Variants in SFT2D1 observed in about 807,000 individuals in gnomAD.
SFT2D1 encodes vesicle transport protein SFT2A.
Under a neutral mutation model 28.1 loss-of-function variants are expected in SFT2D1, and 24 were observed. The observed-to-expected ratio is 0.85, with a 90% confidence interval of 0.62 to 1.20. The LOEUF is 1.20. Among genes scored for constraint, SFT2D1 ranks in the 50% most tolerant of loss-of-function variants. SFT2D1 has a pLI of 0.00. For missense variants in SFT2D1, 181 were observed against 190.9 expected, an observed-to-expected ratio of 0.95 and a Z score of 0.31; for synonymous variants, 82 against 73.7, an observed-to-expected ratio of 1.11 and a Z score of -0.58.
At chr6:166,325,132 A>T (rs769267446) in intron 5 of SFT2D1, among the ~76,000 whole-genome samples, 2 of 152,170 alleles carry the variant, frequency 1.3e-5, no homozygotes, top group Non-Finnish European at 2.9e-5. Context: ...TCTTCAATCT[A>T]CTGTTTATAA....
At chr6:166,328,443 G>T in intron 3 of SFT2D1, 86 bp from the exon 4 acceptor site, 1 of 748,794 alleles carries the variant, frequency 1.3e-6, no homozygotes, top group South Asian at 2.9e-5. Context: ...TAAAAAAGAA[G>T]CCCTGTTGCT....
intron 2 of SFT2D1, 144 bp downstream of exon 2, chr6:166,330,017 A>T: frequency 1.8e-6 from 1 of 559,234 alleles, no homozygotes; most frequent in Non-Finnish European, 3.0e-6. Flanking sequence ...ATTGATCTCT[A>T]CCCCTTTATT....
chr6:166,328,171 AT>A (rs1232183831), intron 4 of SFT2D1, 104 bp downstream of exon 4: 294 of 488,400 alleles, frequency 6.0e-4, no homozygotes, highest in African/African-American at 1.4e-3. Context: ...ATAAAAAAAA[AT>A]AAAAATAAAA....
intron 1 of SFT2D1, among the ~76,000 whole-genome samples, chr6:166,338,912 T>A (rs1045671564): frequency 1.3e-5 from 2 of 152,118 alleles, no homozygotes; most frequent in Non-Finnish European, 2.9e-5. Context: ...AGCGCCTGCA[T>A]AGGAGGATGA....
chr6:166,340,416 C>T (rs1451327468), intron 1 of SFT2D1, among the ~76,000 whole-genome samples: 1 of 152,196 alleles, frequency 6.6e-6, no homozygotes, highest in African/African-American at 2.4e-5. Context: ...TATGAGAACC[C>T]TCACAATTGA....
intron 1 of SFT2D1, among the ~76,000 whole-genome samples, chr6:166,341,724 C>T (rs1363992209): frequency 6.6e-6 from 1 of 152,048 alleles, no homozygotes; most frequent in Non-Finnish European, 1.5e-5. Context: ...AACAAAAAAA[C>T]TTACACCGCA....
At chr6:166,336,726 C>A (rs775476194) in intron 1 of SFT2D1, among the ~76,000 whole-genome samples, 2 of 152,168 alleles carry the variant, frequency 1.3e-5, no homozygotes, top group Non-Finnish European at 2.9e-5. Context: ...CACACCATCA[C>A]GCTCAACTAA....
intron 4 of SFT2D1, among the ~76,000 whole-genome samples, chr6:166,327,285 G>C (rs945512194): frequency 3.3e-5 from 5 of 152,236 alleles, no homozygotes; most frequent in Non-Finnish European, 7.4e-5. Context: ...GCAGAGGCAG[G>C]ATGCAGAAGA....
chr6:166,337,551 C>G (rs1219377609), intron 1 of SFT2D1, among the ~76,000 whole-genome samples: 1 of 152,074 alleles, frequency 6.6e-6, no homozygotes, highest in Admixed American at 6.5e-5. Context: ...CCTGGAAAGA[C>G]AGCTTCCTCC....
intron 4 of SFT2D1, 125 bp from the exon 5 acceptor site, chr6:166,326,292 T>C (rs1315454209): frequency 7.9e-6 from 6 of 762,338 alleles, no homozygotes; most frequent in Non-Finnish European, 1.3e-5. Context: ...AGAATACAGC[T>C]GAATAGTTTT....
chr6:166,341,450 A>T lies in SFT2D1; in HGVS notation c.63+969T>A, dbSNP rs1383797943. 6.5e-4 allele frequency among the ~76,000 whole-genome samples: 21 copies of T among 32,454 alleles called. No individual in the cohort carries two copies. The South Asian group carries it at 0.026, about 40-fold the overall frequency. The allele number at this position is 32,454 out of a possible 152,430, so 21.3% of individuals were successfully genotyped here. A position where few individuals can be genotyped will look rare whatever the true frequency, so the allele number is the denominator to read the frequency against. On this transcript the variant is annotated intron_variant, in intron 1 of 7. Coordinates refer to ENST00000361731, the MANE Select transcript of SFT2D1 (RefSeq NM_145169.3). The stretch of plus-strand genomic sequence containing the variant: ...GAGCGACAAAGCAAGACTCCATCTA[A>T]AAAAAAAAAAAAAAAAAATTCATTG...
intron 7 of SFT2D1, among the ~76,000 whole-genome samples, chr6:166,320,555 CTTTTTTT>C (rs34877356): frequency 1.3e-5 from 2 of 151,068 alleles, no homozygotes; most frequent in African/African-American, 4.9e-5. Context: ...TAACTTTTTT[CTTTTTTT>C]TTCCTTTTGA....
intron 1 of SFT2D1, among the ~76,000 whole-genome samples, chr6:166,341,257 C>T (rs966905702): frequency 2.0e-5 from 3 of 152,128 alleles, no homozygotes; most frequent in Middle Eastern, 3.4e-3. Flanking sequence ...ACCAGCCTGA[C>T]CAACATGGTG....
At chr6:166,333,241 T>A (rs1422138345) in intron 1 of SFT2D1, among the ~76,000 whole-genome samples, 2 of 152,138 alleles carry the variant, frequency 1.3e-5, no homozygotes, top group Non-Finnish European at 2.9e-5. Flanking sequence ...CCACACTTTC[T>A]CCTTCTCATT....
At chr6:166,326,892 G>A (rs1272076208) in intron 4 of SFT2D1, among the ~76,000 whole-genome samples, 1 of 152,154 alleles carries the variant, frequency 6.6e-6, no homozygotes, top group East Asian at 1.9e-4. Context: ...TAAAATCTTA[G>A]TGGAATATAA....
chr6:166,333,529 G>A (rs925880822), intron 1 of SFT2D1, among the ~76,000 whole-genome samples: 25 of 152,188 alleles, frequency 1.6e-4, no homozygotes, highest in African/African-American at 5.3e-4. Flanking sequence ...CTCCTCATCC[G>A]GCCCTTCTCC....
chr6:166,342,473 C>T lies in SFT2D1; in HGVS notation c.9G>A (p.Lys3=), dbSNP rs745350284. 5.5e-5 allele frequency: 85 copies of T among 1,554,682 alleles called. No individual in the cohort carries two copies. Among genetic ancestry groups the T allele is most frequent in the Middle Eastern group, 3.3e-4 (2 of 5,996 alleles). ...CCTGGCCGCTCAGGACTCGCCGCAG[C>T]TTCTCCATGGCCCTGTTACAGGGCC... ME[K]LRRVLSGQDD... The change falls in exon 1 of 8, where the codon AAG becomes AAA. Residue 3 remains lysine (K), a synonymous_variant. Transcript: ENST00000361731.
chr6:166,332,932 C>A (rs1390852403), intron 1 of SFT2D1, among the ~76,000 whole-genome samples: 1 of 152,216 alleles, frequency 6.6e-6, no homozygotes, highest in Non-Finnish European at 1.5e-5. Context: ...CCGAAACCCA[C>A]CCCTTTAAGT....
intron 1 of SFT2D1, 122 bp from the exon 2 acceptor site, chr6:166,330,369 G>C (rs1778528476): frequency 1.5e-6 from 1 of 666,902 alleles, no homozygotes; most frequent in South Asian, 2.0e-5. Context: ...ATATCACAGT[G>C]TCATTCAAGA....
Sources: allele counts gnomAD v4.1 joint callset (sites outside exome capture counted in the v4.1 genomes callset), GRCh38; gene constraint gnomAD v4.1.1; transcripts MANE v1.5; gene names NCBI Gene and HGNC (gene_info 2026-07-23, HGNC 2026-07-21).